Variants in GALNT9 observed in about 807,000 individuals in gnomAD.
GALNT9 encodes the protein polypeptide N-acetylgalactosaminyltransferase 9.
In GALNT9, 47 loss-of-function variants were observed where a neutral mutation model predicts 63.1. That is an observed-to-expected ratio of 0.75 (90% CI 0.59 to 0.95). The LOEUF is 0.95. GALNT9 is among the 40% of genes least tolerant of loss of function. GALNT9 has a pLI of 0.00. For missense variants in GALNT9, 829 were observed against 874.8 expected (o/e 0.95, Z 0.66); for synonymous variants, 396 against 365.7 (o/e 1.08, Z -0.94).
chr12:132,207,830 A>C (rs1242912890), intron 6 of GALNT9, among the ~76,000 whole-genome samples: 1 of 152,130 alleles, frequency 6.6e-6, no homozygotes, highest in Non-Finnish European at 1.5e-5. Flanking sequence ...GGAGTGATAA[A>C]GTCGGAGAGT....
At chr12:132,207,746 G>T (rs1053631619) in intron 6 of GALNT9, among the ~76,000 whole-genome samples, 1 of 152,196 alleles carries the variant, frequency 6.6e-6, no homozygotes, top group African/African-American at 2.4e-5. Flanking sequence ...AGCTTTCGGG[G>T]TGTGTGAGGT....
At chr12:132,307,529 C>T (rs1881655847) in intron 1 of GALNT9, among the ~76,000 whole-genome samples, 1 of 152,028 alleles carries the variant, frequency 6.6e-6, no homozygotes, top group African/African-American at 2.4e-5. Context: ...ATACAATCAC[C>T]AGTGTCTTAT....
chr12:132,212,753 C>G (rs1877004144), intron 6 of GALNT9, among the ~76,000 whole-genome samples: 1 of 29,644 alleles, frequency 3.4e-5, no homozygotes, highest in Non-Finnish European at 6.3e-5. Flanking sequence ...CTGCAGCCCT[C>G]AGACCGTGAC....
At chr12:132,204,393 T>C (rs182153673) in intron 6 of GALNT9, among the ~76,000 whole-genome samples, 527 of 152,232 alleles carry the variant, frequency 3.5e-3, no homozygotes, top group Non-Finnish European at 4.0e-3. Flanking sequence ...CTGGGACGTT[T>C]GCTCTCCCGA....
intron 6 of GALNT9, among the ~76,000 whole-genome samples, chr12:132,214,235 G>A (rs537866673): frequency 2.8e-4 from 42 of 152,292 alleles, no homozygotes; most frequent in Admixed American, 2.6e-3. Flanking sequence ...TCCCTAACCA[G>A]GCCAGCGACT....
chr12:132,300,308 C>G (rs1332320802), intron 1 of GALNT9, among the ~76,000 whole-genome samples: 2 of 142,114 alleles, frequency 1.4e-5, no homozygotes, highest in African/African-American at 5.2e-5. Flanking sequence ...CCAAGCCACT[C>G]CTGAGATAAC....
At chr12:132,215,021 C>A (rs1455907113) in intron 6 of GALNT9, among the ~76,000 whole-genome samples, 1 of 152,248 alleles carries the variant, frequency 6.6e-6, no homozygotes. Flanking sequence ...CTCTGTAGCA[C>A]CCTCCGCTGG....
At chr12:132,222,776 G>A (rs1041986505) in intron 6 of GALNT9, among the ~76,000 whole-genome samples, 1 of 151,658 alleles carries the variant, frequency 6.6e-6, no homozygotes, top group Non-Finnish European at 1.5e-5. Context: ...AACGACTGAG[G>A]AGGAGATACG....
intron 1 of GALNT9, among the ~76,000 whole-genome samples, chr12:132,314,701 T>C (rs1179635157): frequency 6.6e-6 from 1 of 152,188 alleles, no homozygotes; most frequent in African/African-American, 2.4e-5. Flanking sequence ...GGGCAGCTGC[T>C]CAGGGCACTG....
At chr12:132,287,869 A>G (rs1593106304) in intron 1 of GALNT9, among the ~76,000 whole-genome samples, 1 of 151,886 alleles carries the variant, frequency 6.6e-6, no homozygotes, top group Admixed American at 6.5e-5. Flanking sequence ...CAAAGATGGC[A>G]CCATTGGCTG....
At position 132,316,754 on chromosome 12, in the gene GALNT9, G is replaced by A. The variant is rs1437146150; in HGVS notation, c.238+12212C>T. Among the ~76,000 whole-genome samples the A allele has an allele frequency of 6.6e-5, 10 of 152,012 alleles. No homozygotes were observed. Among genetic ancestry groups the A allele is most frequent in the Non-Finnish European group, 1.0e-4 (7 of 67,986 alleles). ...AGCCACCCAGCCTCCTTCCCATCAC[G>A]AGCACTGGCGCTCACATGGGGTACT... On this transcript the variant is annotated intron_variant, in intron 1 of 10. Transcript: ENST00000328957. The surrounding 1 kb of genome is among the most constrained non-coding windows in gnomAD (Gnocchi z 4.3).
chr12:132,213,071 C>T (rs1305227387), intron 6 of GALNT9, among the ~76,000 whole-genome samples: 7 of 98,956 alleles, frequency 7.1e-5, no homozygotes, highest in Non-Finnish European at 1.0e-4. Context: ...GTCTGCAGCC[C>T]TCAGACCTCG....
rs761228375 is a variant in GALNT9, at chr12:132,197,177, C to G, written c.1742G>C (p.Arg581Pro). ...EMSKDANFGL[R>P]LVVQRCSGQK... The stretch of plus-strand genomic sequence containing the variant: ...CCCCGAGCACCTCTGTACCACCAGC[C>G]GGAGCCCAAAGTTGGCATCTTTGGA... The change falls in exon 11 of 11, where the codon CGG (arginine) becomes CCG (proline). Residue 581 changes from arginine to proline, a missense_variant. Transcript: ENST00000328957. The G allele has an allele frequency of 1.9e-6, 3 of 1,614,132 alleles. No homozygotes were observed. In the South Asian group the frequency reaches 3.3e-5, roughly 18 times the overall value.
intron 6 of GALNT9, among the ~76,000 whole-genome samples, chr12:132,237,327 C>G (rs1244999589): frequency 3.3e-5 from 5 of 152,078 alleles, no homozygotes; most frequent in African/African-American, 1.2e-4. Flanking sequence ...CTCACACCTG[C>G]CCAAACCTGC....
In GALNT9 at chr12:132,245,115, CCCT is replaced by C. The variant is rs1878658064; in HGVS notation, c.1077+2792_1077+2794del. ...ACAGAACCCGCGGTGACACAGGCTC[CCCT>C]GCCCCGCGGAGGAGTCAGGCCATCA... On this transcript the variant is annotated intron_variant, in intron 6 of 10. Transcript: ENST00000328957. This position sits in a 1 kb window ranked among gnomAD's most constrained non-coding sequence, Gnocchi z 6.3. Among the ~76,000 whole-genome samples the C allele has an allele frequency of 2.0e-5, 3 of 151,890 alleles. No homozygotes were observed. The highest frequency in any genetic ancestry group is 6.5e-5 in the Admixed American group (1 of 15,270).
chr12:132,219,695 C>T (rs1424783562), intron 6 of GALNT9, among the ~76,000 whole-genome samples: 3 of 151,048 alleles, frequency 2.0e-5, no homozygotes, highest in Non-Finnish European at 3.0e-5. Flanking sequence ...GTGACACCCG[C>T]CCGGGTAAGG....
chr12:132,202,827 G>A (rs1025369189), intron 7 of GALNT9, among the ~76,000 whole-genome samples: 2 of 151,982 alleles, frequency 1.3e-5, no homozygotes, highest in Non-Finnish European at 2.9e-5. Flanking sequence ...TTGTGGGGGT[G>A]GGGCGCTTTG....
At chr12:132,204,869 G>A (rs1876547992) in intron 6 of GALNT9, among the ~76,000 whole-genome samples, 2 of 152,232 alleles carry the variant, frequency 1.3e-5, no homozygotes, top group South Asian at 4.1e-4. Flanking sequence ...CAGGTCCTCA[G>A]CCCTGAGCCT....
chr12:132,196,967 C>T lies in GALNT9; in HGVS notation c.*140G>A, dbSNP rs748730262. ...GACACCCTGGTCACTCAGCCACACC[C>T]CGGCCCCTCAGCCTCTGCTGTCCTG... is the stretch of plus-strand genomic sequence containing the variant. On this transcript the variant is annotated 3_prime_UTR_variant, in exon 11 of 11. Coordinates refer to ENST00000328957, the MANE Select transcript of GALNT9 (RefSeq NM_001122636.2). The T allele has an allele frequency of 2.3e-5, 35 of 1,495,580 alleles. No individual in the cohort carries two copies. The Admixed American group carries it at 3.2e-4, about 14-fold the overall frequency. The allele number at this position is 1,495,580 out of a possible 1,614,324, so 92.6% of individuals were successfully genotyped here. A position where few individuals can be genotyped will look rare whatever the true frequency, so the allele number is the denominator to read the frequency against.
Sources: allele counts gnomAD v4.1 joint callset (sites outside exome capture counted in the v4.1 genomes callset), GRCh38; gene constraint gnomAD v4.1.1; non-coding constraint Gnocchi (gnomAD v3.1); transcripts MANE v1.5; gene names NCBI Gene and HGNC (gene_info 2026-07-23, HGNC 2026-07-21).